The following OXR1 variants were observed in gnomAD, a reference collection of about 807,000 sequenced individuals.
OXR1 encodes oxidation resistance 1.
A neutral mutation model predicts 104.6 loss-of-function variants in OXR1; 41 were observed. The ratio of observed to expected loss-of-function variants is 0.39; its 90% confidence interval spans 0.31 to 0.51. The LOEUF (loss-of-function observed/expected upper bound fraction) is 0.51. Ranked by LOEUF, OXR1 falls within the 20% of genes least tolerant of loss-of-function variation. The pLI is 0.77. For missense variants in OXR1, 955 were observed against 1,031.9 expected, an observed-to-expected ratio of 0.93 and a Z score of 1.02; for synonymous variants, 348 against 348.4, an observed-to-expected ratio of 1.00 and a Z score of 0.01.
chr8:106,678,677 A>ATG lies in OXR1; in HGVS notation c.221-531_221-530dup, dbSNP rs1258103156. 9.9e-5 allele frequency among the ~76,000 whole-genome samples: 15 copies of ATG among 152,168 alleles called. No individual in the cohort carries two copies. The East Asian group carries it at 2.7e-3, about 27-fold the overall frequency. On this transcript the variant is annotated intron_variant, in intron 3 of 16. Coordinates refer to ENST00000517566, the MANE Select transcript of OXR1 (RefSeq NM_001198533.2). ...ATTCAATCTGAAAGTAAATGTTCAAATGTATGTTTCTATATGAAAGCACAC... is the reference window on the plus strand; with the variant it reads ...ATTCAATCTGAAAGTAAATGTTCAAATGTGTATGTTTCTATATGAAAGCACAC...
chr8:106,693,464 T>C (rs1829519749), intron 7 of OXR1, among the ~76,000 whole-genome samples: 1 of 142,870 alleles, frequency 7.0e-6, no homozygotes, highest in South Asian at 2.3e-4. Context: ...AGTTTCGCTC[T>C]TATCAGCCAG....
At chr8:106,544,734 G>T (rs1309458992) in intron 3 of OXR1, among the ~76,000 whole-genome samples, 1 of 152,204 alleles carries the variant, frequency 6.6e-6, no homozygotes, top group African/African-American at 2.4e-5. Flanking sequence ...GGAACAATTT[G>T]TAAAGTTTGG....
chr8:106,281,763 G>C (rs985170337), intron 1 of OXR1, among the ~76,000 whole-genome samples: 3 of 135,678 alleles, frequency 2.2e-5, no homozygotes, highest in Non-Finnish European at 3.0e-5. Flanking sequence ...TCGTGCCACT[G>C]CACTCTACCC....
chr8:106,573,096 A>G (rs1382936175), intron 3 of OXR1, among the ~76,000 whole-genome samples: 1 of 152,144 alleles, frequency 6.6e-6, no homozygotes, highest in African/African-American at 2.4e-5. Flanking sequence ...TCCCAGCTCA[A>G]GCAGTCAGGC....
At chr8:106,531,543 T>C (rs780348460) in intron 3 of OXR1, among the ~76,000 whole-genome samples, 3 of 152,200 alleles carry the variant, frequency 2.0e-5, no homozygotes, top group Non-Finnish European at 4.4e-5. Context: ...GGGCAAAAAT[T>C]ATCTTTGATA....
chr8:106,720,771 T>G (rs1032578006), intron 11 of OXR1: 9 of 833,162 alleles, frequency 1.1e-5, no homozygotes, highest in Non-Finnish European at 1.2e-5. Context: ...GAACTTTGTC[T>G]TCTTCAACTT....
At chr8:106,461,125 A>T (rs1229392521) in intron 2 of OXR1, among the ~76,000 whole-genome samples, 1 of 152,108 alleles carries the variant, frequency 6.6e-6, no homozygotes. Flanking sequence ...CTCAAAAGCA[A>T]ATTAGGGCTA....
intron 1 of OXR1, among the ~76,000 whole-genome samples, chr8:106,350,852 A>C (rs970907247): frequency 6.6e-6 from 1 of 152,126 alleles, no homozygotes; most frequent in African/African-American, 2.4e-5. Context: ...GGATTATTTG[A>C]CTCCACTTTG....
At chr8:106,683,429 A>G (rs946486125) in intron 5 of OXR1, 123 bp downstream of exon 5, 21 of 502,456 alleles carry the variant, frequency 4.2e-5, no homozygotes, top group Non-Finnish European at 6.7e-5. Flanking sequence ...GCTTTTAACA[A>G]ATCATATTGG....
chr8:106,285,141 C>T (rs1045577680), intron 1 of OXR1, among the ~76,000 whole-genome samples: 11 of 151,996 alleles, frequency 7.2e-5, no homozygotes, highest in Non-Finnish European at 1.0e-4. Flanking sequence ...CAACAGGCCC[C>T]GGTGTGTGAT....
intron 1 of OXR1, among the ~76,000 whole-genome samples, chr8:106,301,474 C>T (rs550108808): frequency 6.6e-6 from 1 of 152,262 alleles, no homozygotes; most frequent in South Asian, 2.1e-4. Context: ...AGGTTTTGAA[C>T]TTCAGGTTTA....
chr8:106,336,492 C>T (rs1012649565), intron 1 of OXR1, among the ~76,000 whole-genome samples: 4 of 152,178 alleles, frequency 2.6e-5, no homozygotes, highest in Non-Finnish European at 5.9e-5. Flanking sequence ...CATAACAAAC[C>T]CACCAATCCC....
chr8:106,346,025 A>C lies in OXR1; in HGVS notation c.-138-13451A>C, dbSNP rs374659353. 2.6e-5 allele frequency among the ~76,000 whole-genome samples: 4 copies of C among 152,294 alleles called. No homozygotes were observed. In the East Asian group the frequency reaches 5.8e-4, roughly 22 times the overall value. On this transcript the variant is annotated intron_variant, in intron 1 of 16. Transcript: ENST00000517566. Reference sequence around the variant, plus strand: ...ACAAAAGATTTTAAAACTATGTAAGATAGATGGAATCATTGGAATGAAGAT... The same window carrying C: ...ACAAAAGATTTTAAAACTATGTAAGCTAGATGGAATCATTGGAATGAAGAT...
At chr8:106,500,658 A>G in intron 2 of OXR1, among the ~76,000 whole-genome samples, 1 of 152,232 alleles carries the variant, frequency 6.6e-6, no homozygotes, top group Non-Finnish European at 1.5e-5. Context: ...TCATCCTGCT[A>G]CAATACATTG....
chr8:106,614,435 A>G (rs2130811619), intron 3 of OXR1, among the ~76,000 whole-genome samples: 1 of 152,334 alleles, frequency 6.6e-6, no homozygotes, highest in East Asian at 1.9e-4. Flanking sequence ...ACTAAACTAG[A>G]AAAAGAATCT....
intron 2 of OXR1, among the ~76,000 whole-genome samples, chr8:106,515,570 A>T (rs1812803436): frequency 1.3e-5 from 2 of 152,218 alleles, no homozygotes; most frequent in South Asian, 4.1e-4. Context: ...TATTTCATTT[A>T]ATGTGTTCCA....
At chr8:106,734,855 A>G (rs933625021) in intron 11 of OXR1, among the ~76,000 whole-genome samples, 1 of 152,228 alleles carries the variant, frequency 6.6e-6, no homozygotes, top group Non-Finnish European at 1.5e-5. Flanking sequence ...TCCTATAGAT[A>G]GGAGTTAGCA....
chr8:106,629,072 T>C (rs1448122967), intron 3 of OXR1, among the ~76,000 whole-genome samples: 1 of 152,142 alleles, frequency 6.6e-6, no homozygotes, highest in Non-Finnish European at 1.5e-5. Context: ...AAAATCACCC[T>C]CTTTTACTTC....
chr8:106,392,984 C>T (rs1434444288), intron 2 of OXR1, among the ~76,000 whole-genome samples: 2 of 152,152 alleles, frequency 1.3e-5, no homozygotes, highest in Non-Finnish European at 2.9e-5. Context: ...ATATTGCTCC[C>T]CACACGGGGG....
Sources: gnomAD v4.1 joint callset for allele counts (sites outside exome capture counted in the v4.1 genomes callset) on GRCh38, gnomAD v4.1.1 for gene constraint, MANE v1.5 for transcripts, NCBI Gene and HGNC (gene_info 2026-07-23, HGNC 2026-07-21) for gene names.